Variants in CCDC33 observed in about 807,000 individuals in gnomAD.
CCDC33 encodes the protein coiled-coil domain-containing protein 33.
A neutral mutation model predicts 91.9 loss-of-function variants in CCDC33; 94 were observed. The observed-to-expected ratio is 1.02, with a 90% CI of 0.87 to 1.21. The LOEUF (loss-of-function observed/expected upper bound fraction) is 1.21, where lower values mean the gene tolerates loss of function less well. Ranked by LOEUF, CCDC33 falls within the 50% of genes most tolerant of loss-of-function variation. CCDC33 has a pLI of 0.00. For synonymous variants in CCDC33, 396 were observed against 374.5 expected, an observed-to-expected ratio of 1.06 and a Z score of -0.66; for missense variants, 940 against 935.5, an observed-to-expected ratio of 1.00 and a Z score of -0.06.
chr15:74,256,932 C>T (rs1363831197), intron 2 of CCDC33, among the ~76,000 whole-genome samples: 1 of 152,108 alleles, frequency 6.6e-6, no homozygotes, highest in Non-Finnish European at 1.5e-5. Flanking sequence ...GGAGCAGCAT[C>T]CTTGTTTGAC....
chr15:74,234,433 G>A (rs796151772), upstream of CCDC33, among the ~76,000 whole-genome samples: 16 of 152,268 alleles, frequency 1.1e-4, no homozygotes, highest in African/African-American at 3.6e-4. Context: ...AAGGGGAGGA[G>A]AAGGTAGAGC....
chr15:74,268,567 G>A (rs907769920), intron 5 of CCDC33, 109 bp downstream of exon 5: 3 of 774,262 alleles, frequency 3.9e-6, no homozygotes. Flanking sequence ...TGAGGGTGTG[G>A]AGCAGAGATG....
intron 14 of CCDC33, 24 bp downstream of exon 14, chr15:74,331,136 C>G: frequency 1.2e-6 from 2 of 1,613,334 alleles, no homozygotes; most frequent in South Asian, 1.1e-5. Flanking sequence ...GGGCTGCCCC[C>G]GAGGCCAACT....
chr15:74,235,436 A>T (rs2075120817), upstream of CCDC33, among the ~76,000 whole-genome samples: 1 of 152,166 alleles, frequency 6.6e-6, no homozygotes, highest in Non-Finnish European at 1.5e-5. Flanking sequence ...GCCAGATTAA[A>T]AGAATCTCCA....
intron 10 of CCDC33, among the ~76,000 whole-genome samples, chr15:74,292,856 C>T (rs940537555): frequency 7.9e-5 from 12 of 152,146 alleles, no homozygotes; most frequent in Middle Eastern, 3.2e-3. Flanking sequence ...CTTGCCTGCC[C>T]TCCTTCCCCG....
At chr15:74,277,707 C>T (rs535484363) in intron 7 of CCDC33, among the ~76,000 whole-genome samples, 1 of 152,328 alleles carries the variant, frequency 6.6e-6, no homozygotes, top group Admixed American at 6.5e-5. Flanking sequence ...CTGACCCTCC[C>T]TCCCCAGTCC....
At chr15:74,285,153 C>T (rs1364947701) in intron 10 of CCDC33, among the ~76,000 whole-genome samples, 3 of 152,020 alleles carry the variant, frequency 2.0e-5, no homozygotes, top group African/African-American at 7.2e-5. Flanking sequence ...GAAATGAATG[C>T]GCGTGCCGTA....
intron 2 of CCDC33, among the ~76,000 whole-genome samples, chr15:74,222,959 GCT>G (rs1222289735): frequency 6.6e-6 from 1 of 151,768 alleles, no homozygotes; most frequent in Non-Finnish European, 1.5e-5. Flanking sequence ...GCCTTTTATT[GCT>G]CGCGATTGCA....
chr15:74,260,834 T>A (rs1262949670), intron 2 of CCDC33, among the ~76,000 whole-genome samples: 1 of 152,160 alleles, frequency 6.6e-6, no homozygotes, highest in African/African-American at 2.4e-5. Flanking sequence ...AGCTCTCTGG[T>A]GCTATGGGGT....
rs749770577 is a variant in CCDC33 at position 74,335,930 on chromosome 15, C to T, written c.2145C>T (p.Ala715=). 1.1e-5 allele frequency: 17 copies of T among 1,613,272 alleles called. No individual in the cohort carries two copies. Among genetic ancestry groups the T allele is most frequent in the Non-Finnish European group, 1.4e-5 (16 of 1,179,660 alleles). Residue 715 remains alanine (A), a synonymous_variant, in exon 19 of 19, where the codon GCC becomes GCT. Coordinates refer to ENST00000398814, the MANE Select transcript of CCDC33 (RefSeq NM_025055.5). Reference sequence around the variant, plus strand: ...CCCCGCTTTGCACACCACAGAGTGCCCTCACCCACTCCATGGACCTCAAGC... The same window carrying T: ...CCCCGCTTTGCACACCACAGAGTGCTCTCACCCACTCCATGGACCTCAAGC... The part of the protein sequence containing the change: ...SNSIIIEQPS[A]LTHSMDLKQP...
intron 11 of CCDC33, among the ~76,000 whole-genome samples, chr15:74,319,129 C>T (rs2060155688): frequency 1.3e-5 from 2 of 152,058 alleles, no homozygotes; most frequent in African/African-American, 4.8e-5. Flanking sequence ...GCTGGGGCCG[C>T]CCCAGTAAGT....
intron 11 of CCDC33, chr15:74,318,510 G>A (rs2060139013): frequency 2.2e-5 from 14 of 645,076 alleles, no homozygotes; most frequent in South Asian, 2.2e-4. Context: ...TCAGGGCTGG[G>A]CTTGGTCACC....
upstream of CCDC33, chr15:74,213,521 A>T (rs1421526988): frequency 6.6e-6 from 1 of 152,230 alleles, no homozygotes; most frequent in African/African-American, 2.4e-5. Context: ...GCTCCTGTGT[A>T]CATGTTAATA....
At chr15:74,279,839 C>A in intron 7 of CCDC33, 124 bp from the exon 8 acceptor site, 2 of 1,365,842 alleles carry the variant, frequency 1.5e-6, no homozygotes, top group Non-Finnish European at 2.0e-6. Flanking sequence ...GCCCAGCCAG[C>A]TTGCTTTTAT....
intron 11 of CCDC33, among the ~76,000 whole-genome samples, chr15:74,308,987 G>A (rs993003411): frequency 1.3e-5 from 2 of 151,984 alleles, no homozygotes; most frequent in African/African-American, 2.4e-5. Context: ...TGGGTGGGGG[G>A]GCTCCTGTGG....
At chr15:74,269,722 C>G (rs2076264187) in intron 5 of CCDC33, among the ~76,000 whole-genome samples, 1 of 145,782 alleles carries the variant, frequency 6.9e-6, no homozygotes, top group Non-Finnish European at 1.5e-5. Context: ...TAGGGGCCTT[C>G]TCTGGCTCAC....
intron 15 of CCDC33, among the ~76,000 whole-genome samples, chr15:74,332,261 G>A (rs907521008): frequency 2.6e-5 from 4 of 152,152 alleles, no homozygotes; most frequent in Non-Finnish European, 4.4e-5. Flanking sequence ...AGGGGCAGGA[G>A]GGTGTTTCTA....
chr15:74,335,513 C>T (rs2060547511), intron 18 of CCDC33: 2 of 386,536 alleles, frequency 5.2e-6, no homozygotes, highest in Admixed American at 4.1e-5. Context: ...ACGATGTAGG[C>T]TCCACTTTGC....
intron 11 of CCDC33, among the ~76,000 whole-genome samples, chr15:74,310,770 GGACTCTCA>G (rs1170682636): frequency 2.0e-5 from 3 of 152,204 alleles, no homozygotes. Context: ...TTCCCATGGG[GGACTCTCA>G]GGGATGGGGA....
Sources: allele counts gnomAD v4.1 joint callset (sites outside exome capture counted in the v4.1 genomes callset), GRCh38; gene constraint gnomAD v4.1.1; transcripts MANE v1.5; gene names NCBI Gene and HGNC (gene_info 2026-07-23, HGNC 2026-07-21).